The following PWWP2B variants were observed in gnomAD, a reference collection of about 807,000 sequenced individuals.
PWWP2B encodes PWWP domain containing 2B, also known as PWWP domain-containing protein 2B.
In PWWP2B, 9 loss-of-function variants were observed where a neutral mutation model predicts 15.5. The observed-to-expected ratio is 0.58, with a 90% CI of 0.35 to 1.02. The LOEUF is 1.02. Ranked by LOEUF, PWWP2B falls within the 50% of genes least tolerant of loss-of-function variation. PWWP2B has a pLI of 0.02. For synonymous variants in PWWP2B, 474 were observed against 403.6 expected (o/e 1.17, Z -2.09); for missense variants, 864 against 865.3 (o/e 1.00, Z 0.02).
chr10:132,406,280 C>T lies in PWWP2B; in HGVS notation c.*7C>T. ...AACCCAGTTTGAAACGTAACTGGTT[C>T]CCTGACCAGGTGAGTGTGCCAGCGG... On this transcript the variant is annotated 3_prime_UTR_variant, in exon 2 of 3. Coordinates refer to ENST00000305233, the MANE Select transcript of PWWP2B (RefSeq NM_138499.4). The T allele has an allele frequency of 1.2e-6, 2 of 1,603,562 alleles. No individual in the cohort carries two copies. Among genetic ancestry groups the T allele is most frequent in the Non-Finnish European group, 1.7e-6 (2 of 1,173,474 alleles).
chr10:132,402,630 T>A (rs927494604), intron 1 of PWWP2B, among the ~76,000 whole-genome samples: 1 of 152,078 alleles, frequency 6.6e-6, no homozygotes, highest in South Asian at 2.1e-4. Context: ...TCATGGAAGA[T>A]GATGAACTGG....
intron 1 of PWWP2B, among the ~76,000 whole-genome samples, chr10:132,400,565 C>G (rs1486092202): frequency 1.3e-5 from 2 of 152,176 alleles, no homozygotes; most frequent in African/African-American, 4.8e-5. Context: ...CTCCTGCCAG[C>G]CTGCTTTTCC....
rs955896360 is a variant in PWWP2B at position 132,405,757 on chromosome 10, T to G, written c.1257T>G (p.Ser419Arg). The G allele has an allele frequency of 6.2e-7, 1 of 1,607,550 alleles. No individual in the cohort carries two copies. Among genetic ancestry groups the G allele is most frequent in the African/African-American group, 1.3e-5 (1 of 74,920 alleles). The change falls in exon 2 of 3, where the codon AGT (serine) becomes AGG (arginine). Residue 419 changes from serine (S) to arginine (R), a missense_variant. By Grantham distance (110) the Ser-to-Arg change is moderately radical. Transcript: ENST00000305233. ...SCPEGRADCA[S>R]ESACSSDSLD... is the part of the protein sequence containing the mutation. Reference sequence around the variant, plus strand: ...CTGAGGGGAGAGCGGACTGTGCCAGTGAGTCGGCGTGCAGCAGCGACAGCC... The same window carrying G: ...CTGAGGGGAGAGCGGACTGTGCCAGGGAGTCGGCGTGCAGCAGCGACAGCC...
chr10:132,416,110 G>C (rs1011079980), intron 2 of PWWP2B, among the ~76,000 whole-genome samples: 1 of 152,214 alleles, frequency 6.6e-6, no homozygotes, highest in African/African-American at 2.4e-5. Context: ...CACTGGAAGT[G>C]GCAGTGGCCT....
chr10:132,410,904 AG>A (rs1420663970), intron 2 of PWWP2B, among the ~76,000 whole-genome samples: 2 of 152,268 alleles, frequency 1.3e-5, no homozygotes, highest in Admixed American at 1.3e-4. Flanking sequence ...CTGTGGCCCC[AG>A]GGGCCCAACC....
intron 2 of PWWP2B, among the ~76,000 whole-genome samples, chr10:132,415,914 C>T (rs1163825194): frequency 1.3e-5 from 2 of 152,024 alleles, no homozygotes; most frequent in East Asian, 3.9e-4. Flanking sequence ...GAATGCCCAG[C>T]GTGAGGAGAA....
In PWWP2B at chr10:132,405,287, A is replaced by G; in HGVS notation, c.787A>G (p.Lys263Glu). 6.2e-7 allele frequency: 1 copy of G among 1,612,076 alleles called. No individual in the cohort carries two copies. The highest frequency in any genetic ancestry group is 8.5e-7 in the Non-Finnish European group (1 of 1,179,690). Reference protein sequence around the residue: ...IKISYSTPQGKGEVVKIPSRV... With the variant: ...IKISYSTPQGEGEVVKIPSRV... ...GATCTCCTACAGCACGCCCCAGGGCAAGGGAGAGGTGGTCAAGATCCCCTC... is the reference window on the plus strand; with the variant it reads ...GATCTCCTACAGCACGCCCCAGGGCGAGGGAGAGGTGGTCAAGATCCCCTC... Residue 263 changes from lysine (K) to glutamate (E), a missense_variant, in exon 2 of 3, where the codon AAG becomes GAG. Lys to Glu is a moderately conservative substitution (Grantham distance 56). Transcript: ENST00000305233.
At chr10:132,416,221 A>C (rs1035836888) in intron 2 of PWWP2B, among the ~76,000 whole-genome samples, 5 of 152,074 alleles carry the variant, frequency 3.3e-5, no homozygotes, top group Non-Finnish European at 5.9e-5. Context: ...GGCAGGGCCC[A>C]TGGGGCGCCT....
At chr10:132,402,428 A>G (rs1401482576) in intron 1 of PWWP2B, among the ~76,000 whole-genome samples, 3 of 152,186 alleles carry the variant, frequency 2.0e-5, no homozygotes, top group Non-Finnish European at 4.4e-5. Flanking sequence ...ATTGGGTCCT[A>G]TGGAGGGGTT....
At chr10:132,398,565 C>T (rs982659854) in intron 1 of PWWP2B, among the ~76,000 whole-genome samples, 12 of 152,360 alleles carry the variant, frequency 7.9e-5, no homozygotes, top group East Asian at 1.9e-4. Context: ...GGGGCACGAG[C>T]GGCAGTGGGT....
chr10:132,410,818 C>T (rs1284764061), intron 2 of PWWP2B, among the ~76,000 whole-genome samples: 1 of 152,212 alleles, frequency 6.6e-6, no homozygotes, highest in East Asian at 1.9e-4. Context: ...TCAATGCTCT[C>T]CTGGTGTCCC....
At chr10:132,416,092 G>C in intron 2 of PWWP2B, among the ~76,000 whole-genome samples, 1 of 152,194 alleles carries the variant, frequency 6.6e-6, no homozygotes, top group East Asian at 1.9e-4. Flanking sequence ...GGGCTTCCAC[G>C]AGGGCAGCAC....
chr10:132,405,414 C>G lies in PWWP2B; in HGVS notation c.914C>G (p.Pro305Arg). 1 of 1,610,790 alleles carries G rather than the reference C, an allele frequency of 6.2e-7. No individual in the cohort carries two copies. The change falls in exon 2 of 3, where the codon CCG becomes CGG. Residue 305 changes from proline (P) to arginine (R), a missense_variant. Transcript: ENST00000305233. ...EVLDRESRDR[P>R]SCAPSASIPK... ...CTGGACAGAGAGTCCCGGGACCGGC[C>G]GTCCTGCGCGCCCTCGGCCTCCATC...
chr10:132,410,572 G>A (rs995968204), intron 2 of PWWP2B, among the ~76,000 whole-genome samples: 1 of 152,202 alleles, frequency 6.6e-6, no homozygotes, highest in East Asian at 1.9e-4. Flanking sequence ...AGGGGAGGGG[G>A]GCGTGCCCAG....
chr10:132,401,339 G>C (rs1018975682), intron 1 of PWWP2B, among the ~76,000 whole-genome samples: 7 of 152,110 alleles, frequency 4.6e-5, no homozygotes, highest in Non-Finnish European at 1.0e-4. Flanking sequence ...GAGCTCGCAA[G>C]GATGTCGCGT....
intron 2 of PWWP2B, among the ~76,000 whole-genome samples, chr10:132,411,235 C>T (rs1348847570): frequency 2.0e-5 from 3 of 152,220 alleles, no homozygotes; most frequent in African/African-American, 4.8e-5. Context: ...ATGACCACGT[C>T]GCCCCAGGCT....
chr10:132,409,836 G>A (rs1423072489), intron 2 of PWWP2B, among the ~76,000 whole-genome samples: 3 of 152,298 alleles, frequency 2.0e-5, no homozygotes, highest in East Asian at 1.9e-4. Context: ...ACTGGGATCC[G>A]GGAAGGCTTC....
rs28599495 is a variant in PWWP2B at position 132,399,012 on chromosome 10, C to G, written c.125+1661C>G. 3.9e-3 allele frequency among the ~76,000 whole-genome samples: 431 copies of G among 110,528 alleles called. 1 individual carries two copies. Among genetic ancestry groups the G allele is most frequent in the Middle Eastern group, 0.017 (4 of 232 alleles). The allele number at this position is 110,528 out of a possible 152,430, so 72.5% of individuals were successfully genotyped here. A position where few individuals can be genotyped will look rare whatever the true frequency, so the allele number is the denominator to read the frequency against. ...TCTGTCCGGCTGTTCTCCTCTCCCCCAGCCCCAGTCCTGAGGCTTGTCCTG... is the reference window on the plus strand; with the variant it reads ...TCTGTCCGGCTGTTCTCCTCTCCCCGAGCCCCAGTCCTGAGGCTTGTCCTG... On this transcript the variant is annotated intron_variant, in intron 1 of 2. Transcript: ENST00000305233.
intron 2 of PWWP2B, among the ~76,000 whole-genome samples, chr10:132,411,665 A>C (rs1196023920): frequency 2.0e-5 from 3 of 152,374 alleles, no homozygotes; most frequent in African/African-American, 2.4e-5. Context: ...GGAAATAAAG[A>C]TAATAATCAG....
Sources: gnomAD v4.1 joint callset for allele counts (sites outside exome capture counted in the v4.1 genomes callset) on GRCh38, gnomAD v4.1.1 for gene constraint, MANE v1.5 for transcripts, NCBI Gene and HGNC (gene_info 2026-07-23, HGNC 2026-07-21) for gene names.